CMKLR1: variants seen among roughly 807,000 people sequenced by gnomAD.
CMKLR1 encodes chemerin chemokine-like receptor 1, also known as chemerin-like receptor 1.
CMKLR1 carries 6 observed loss-of-function variants against 8.2 expected under a neutral mutation model. That is an observed-to-expected ratio of 0.73 (90% CI 0.40 to 1.44). The LOEUF (loss-of-function observed/expected upper bound fraction) is 1.44. Ranked by LOEUF, CMKLR1 falls within the 40% of genes most tolerant of loss-of-function variation. The pLI, the probability that CMKLR1 is intolerant of heterozygous loss-of-function variation, is 0.02. For synonymous variants in CMKLR1, 178 were observed against 181.2 expected (o/e 0.98, Z 0.14); for missense variants, 429 against 478.0 (o/e 0.90, Z 0.96).
At chr12:108,295,679 G>A (rs1891115076) in intron 2 of CMKLR1, among the ~76,000 whole-genome samples, 1 of 152,218 alleles carries the variant, frequency 6.6e-6, no homozygotes, top group Non-Finnish European at 1.5e-5. Context: ...AGAGAAAGGA[G>A]GAAGGGCACG....
intron 2 of CMKLR1, among the ~76,000 whole-genome samples, chr12:108,319,471 G>A (rs1015207181): frequency 2.6e-5 from 4 of 152,228 alleles, no homozygotes; most frequent in African/African-American, 9.6e-5. Flanking sequence ...TGAGTTCAGA[G>A]CCAGCTCTGT....
intron 1 of CMKLR1, among the ~76,000 whole-genome samples, chr12:108,335,348 T>G (rs1892196591): frequency 6.6e-6 from 1 of 152,188 alleles, no homozygotes; most frequent in Non-Finnish European, 1.5e-5. Context: ...CCAAAGCAGA[T>G]AAGCAAATAT....
chr12:108,314,892 G>A lies in CMKLR1; in HGVS notation c.-74+15103C>T, dbSNP rs149588480. On this transcript the variant is annotated intron_variant, in intron 2 of 3. Transcript: ENST00000550402. ...CATCATGTTCCATCATGCCCAGCCC[G>A]AGGGACATCATTCTCTATGGCCCAG... Among the ~76,000 whole-genome samples, 159 of 150,820 alleles carry A rather than the reference G, an allele frequency of 1.1e-3. No individual in the cohort carries two copies. The East Asian group carries it at 0.015, about 14-fold the overall frequency.
intron 2 of CMKLR1, among the ~76,000 whole-genome samples, chr12:108,300,677 AC>A (rs1891244558): frequency 6.6e-6 from 1 of 152,166 alleles, no homozygotes; most frequent in South Asian, 2.1e-4. Flanking sequence ...TGGGCACATT[AC>A]TTAGCCCTCT....
At chr12:108,305,147 A>C (rs1891375630) in intron 2 of CMKLR1, among the ~76,000 whole-genome samples, 2 of 152,222 alleles carry the variant, frequency 1.3e-5, no homozygotes, top group South Asian at 4.1e-4. Flanking sequence ...ACCCTCTCTA[A>C]ATCATAGAAA....
At chr12:108,311,677 T>C (rs7971810) in intron 2 of CMKLR1, among the ~76,000 whole-genome samples, 100,065 of 152,018 alleles carry the variant, frequency 0.66, 33,491 homozygotes, top group East Asian at 0.98. Flanking sequence ...AAAGGCAGCA[T>C]AGAGGGGGAG....
chr12:108,309,029 G>C (rs1891483147), intron 2 of CMKLR1, among the ~76,000 whole-genome samples: 5 of 152,178 alleles, frequency 3.3e-5, no homozygotes, highest in Non-Finnish European at 5.9e-5. Flanking sequence ...CAGCTCTGCT[G>C]TGTGACCATG....
chr12:108,299,897 G>C (rs1051986844), intron 2 of CMKLR1, among the ~76,000 whole-genome samples: 1 of 152,190 alleles, frequency 6.6e-6, no homozygotes, highest in Non-Finnish European at 1.5e-5. Flanking sequence ...GTGACAGTTT[G>C]TTATGGCAGC....
intron 2 of CMKLR1, among the ~76,000 whole-genome samples, chr12:108,300,916 C>T (rs2137302711): frequency 6.6e-6 from 1 of 152,202 alleles, no homozygotes; most frequent in South Asian, 2.1e-4. Context: ...AGGGTCGGGA[C>T]ACAATTATAC....
chr12:108,324,372 G>A (rs1271301217), intron 2 of CMKLR1, among the ~76,000 whole-genome samples: 4 of 152,142 alleles, frequency 2.6e-5, no homozygotes, highest in African/African-American at 4.8e-5. Flanking sequence ...TGGGCAAGTC[G>A]CTTAACCTCC....
At chr12:108,326,211 A>C (rs1891979307) in intron 2 of CMKLR1, among the ~76,000 whole-genome samples, 1 of 152,222 alleles carries the variant, frequency 6.6e-6, no homozygotes, top group Admixed American at 6.5e-5. Flanking sequence ...AAATTGACTC[A>C]GTAGTTTTCT....
At chr12:108,332,252 C>T (rs1275107678) in intron 1 of CMKLR1, among the ~76,000 whole-genome samples, 5 of 152,136 alleles carry the variant, frequency 3.3e-5, no homozygotes, top group Non-Finnish European at 5.9e-5. Context: ...AATAGGTGGC[C>T]GGGCTCACCG....
chr12:108,327,388 G>C (rs890873768), intron 2 of CMKLR1, among the ~76,000 whole-genome samples: 1 of 152,182 alleles, frequency 6.6e-6, no homozygotes, highest in Non-Finnish European at 1.5e-5. Context: ...GCTGAAGCGG[G>C]AGGATGGCTT....
chr12:108,292,872 A>G lies in CMKLR1; in HGVS notation c.91T>C (p.Leu31=). Residue 31 remains leucine, a synonymous_variant, in exon 4 of 4, where the codon TTA becomes CTA. Coordinates refer to ENST00000550402, the MANE Select transcript of CMKLR1 (RefSeq NM_001142343.2). Reference sequence around the variant, plus strand: ...GTCACCCTGGCTTCCAAGGGGGATAAGTCCTCCAAAACCACAATGGAGTCT... The same window carrying G: ...GTCACCCTGGCTTCCAAGGGGGATAGGTCCTCCAAAACCACAATGGAGTCT... ...YLDSIVVLED[L]SPLEARVTRI... is the part of the protein sequence containing the mutation. The G allele has an allele frequency of 6.2e-7, 1 of 1,614,164 alleles. No homozygotes were observed. The highest frequency in any genetic ancestry group is 8.5e-7 in the Non-Finnish European group (1 of 1,180,016).
At chr12:108,300,565 T>C (rs117677966) in intron 2 of CMKLR1, among the ~76,000 whole-genome samples, 70 of 152,272 alleles carry the variant, frequency 4.6e-4, no homozygotes, top group Non-Finnish European at 9.0e-4. Flanking sequence ...GTTGATGCCA[T>C]AGAACATAGA....
chr12:108,325,453 T>C (rs1017905732), intron 2 of CMKLR1, among the ~76,000 whole-genome samples: 1 of 151,218 alleles, frequency 6.6e-6, no homozygotes, highest in Non-Finnish European at 1.5e-5. Context: ...CAAGGCAACT[T>C]GCACCCCTAC....
chr12:108,288,105 C>T lies in CMKLR1; in HGVS notation c.*3736G>A, dbSNP rs1339800238. 6.6e-6 allele frequency: 1 copy of T among 152,100 alleles called. No homozygotes were observed. The highest frequency in any genetic ancestry group is 2.4e-5 in the African/African-American group (1 of 41,406). 9.4% of individuals were successfully genotyped at this position (152,100 alleles called of 1,614,324 possible). On this transcript the variant is annotated 3_prime_UTR_variant, in exon 4 of 4. Coordinates refer to ENST00000550402, the MANE Select transcript of CMKLR1 (RefSeq NM_001142343.2). ...CCTCAAAGGGAAGAAGTAAGAAGACCCCCTGCTGAATTATTTCACAGTAGA... is the reference window on the plus strand; with the variant it reads ...CCTCAAAGGGAAGAAGTAAGAAGACTCCCTGCTGAATTATTTCACAGTAGA...
intron 2 of CMKLR1, among the ~76,000 whole-genome samples, chr12:108,305,386 C>T (rs1175583275): frequency 3.9e-5 from 6 of 152,204 alleles, no homozygotes; most frequent in Non-Finnish European, 8.8e-5. Context: ...ACAGCCTCAA[C>T]CAGCAGCTGA....
chr12:108,293,596 C>T lies in CMKLR1; in HGVS notation c.-5G>A, dbSNP rs979409352. The T allele has an allele frequency of 3.7e-5, 57 of 1,550,340 alleles. No individual in the cohort carries two copies. In the Admixed American group the frequency reaches 9.3e-4, roughly 25 times the overall value. ...ACCACAAGACTTCCTCACCATTCAC[C>T]GTTATGTTGTCTGCAGCTCTCCAAT... is the stretch of plus-strand genomic sequence containing the variant. On this transcript the variant is annotated 5_prime_UTR_variant, in exon 3 of 4. Transcript: ENST00000550402.
Sources: gnomAD v4.1 joint callset for allele counts (sites outside exome capture counted in the v4.1 genomes callset) on GRCh38, gnomAD v4.1.1 for gene constraint, MANE v1.5 for transcripts, NCBI Gene and HGNC (gene_info 2026-07-23, HGNC 2026-07-21) for gene names.